KAZN: variants seen among roughly 807,000 people sequenced by gnomAD.
KAZN encodes kazrin, periplakin interacting protein.
A neutral mutation model predicts 87.4 loss-of-function variants in KAZN; 40 were observed. That is an observed-to-expected ratio of 0.46 (90% CI 0.36 to 0.60). The LOEUF is 0.60. Ranked by LOEUF, KAZN falls within the 20% of genes least tolerant of loss-of-function variation. The pLI is 0.00. For missense variants in KAZN, 898 were observed against 1,073.9 expected (o/e 0.84, Z 2.29); for synonymous variants, 466 against 458.3 (o/e 1.02, Z -0.22).
At chr1:14,136,147 G>A (rs1358433283) in intron 1 of KAZN, among the ~76,000 whole-genome samples, 2 of 152,140 alleles carry the variant, frequency 1.3e-5, no homozygotes, top group Non-Finnish European at 2.9e-5. Context: ...TCTTGGTGGG[G>A]AAGTCAACAC....
At position 14,513,697 on chromosome 1, in the gene KAZN, A is replaced by G. The variant is rs562966097; in HGVS notation, c.250-85286A>G. On this transcript the variant is annotated intron_variant, in intron 2 of 16. Coordinates refer to the KAZN transcript ENST00000636203. ...GAAAACATATCATAGTAAGCATTTT[A>G]AAATTGGGACCTTATTTCAACTTTA... 2.0e-5 allele frequency among the ~76,000 whole-genome samples: 3 copies of G among 152,318 alleles called. No homozygotes were observed. In the South Asian group the frequency reaches 6.2e-4, roughly 32 times the overall value.
chr1:14,255,338 T>C (rs988832422), intron 2 of KAZN, among the ~76,000 whole-genome samples: 7 of 152,098 alleles, frequency 4.6e-5, no homozygotes, highest in African/African-American at 1.2e-4. Context: ...ACCTCCCTCA[T>C]TGGGGATTAT....
intron 1 of KAZN, among the ~76,000 whole-genome samples, chr1:14,130,719 T>C (rs1401022995): frequency 1.3e-5 from 2 of 152,182 alleles, no homozygotes; most frequent in South Asian, 2.1e-4. Context: ...ATGTCTCTTT[T>C]TGGGACCTGA....
chr1:14,837,918 G>T (rs1250423278), intron 1 of KAZN, among the ~76,000 whole-genome samples: 1 of 152,138 alleles, frequency 6.6e-6, no homozygotes, highest in Non-Finnish European at 1.5e-5. Context: ...GGACCATGGA[G>T]CTATATTTGG....
At chr1:13,992,753 G>C (rs748987445) in intron 1 of KAZN, among the ~76,000 whole-genome samples, 86 of 152,078 alleles carry the variant, frequency 5.7e-4, no homozygotes, top group Non-Finnish European at 1.1e-3. Context: ...CTTCTCATTG[G>C]GGGTGGACAA....
chr1:14,047,270 C>T (rs1293560549), intron 1 of KAZN, among the ~76,000 whole-genome samples: 1 of 152,210 alleles, frequency 6.6e-6, no homozygotes, highest in Non-Finnish European at 1.5e-5. Context: ...TTCACAGGAT[C>T]CTAAGCTCTA....
At chr1:14,301,426 T>C (rs973817421) in intron 2 of KAZN, among the ~76,000 whole-genome samples, 1 of 152,200 alleles carries the variant, frequency 6.6e-6, no homozygotes, top group African/African-American at 2.4e-5. Flanking sequence ...GTTTGCATGA[T>C]GGGATTGACT....
chr1:13,987,786 A>G (rs182200777), intron 1 of KAZN, among the ~76,000 whole-genome samples: 5 of 152,310 alleles, frequency 3.3e-5, no homozygotes, highest in Admixed American at 3.3e-4. Flanking sequence ...TTAAATTTCA[A>G]CATGAATTTT....
chr1:14,941,039 C>A (rs1246166045), intron 1 of KAZN, among the ~76,000 whole-genome samples: 2 of 151,282 alleles, frequency 1.3e-5, no homozygotes, highest in African/African-American at 4.9e-5. Flanking sequence ...CCTCGGCTTC[C>A]CAAGTAGCTG....
At chr1:14,498,647 A>G (rs1670079513) in intron 2 of KAZN, among the ~76,000 whole-genome samples, 1 of 152,112 alleles carries the variant, frequency 6.6e-6, no homozygotes, top group African/African-American at 2.4e-5. Context: ...AGCTGAGATC[A>G]GGCCACTGCA....
chr1:14,924,353 C>A (rs920113731), intron 1 of KAZN: 2 of 988,310 alleles, frequency 2.0e-6, no homozygotes, highest in South Asian at 4.5e-5. Flanking sequence ...AGCGTCCCCC[C>A]GGGCACCCGG....
intron 1 of KAZN, among the ~76,000 whole-genome samples, chr1:14,026,178 T>C (rs901368953): frequency 1.3e-5 from 2 of 152,106 alleles, no homozygotes; most frequent in Non-Finnish European, 2.9e-5. Flanking sequence ...ATATATAAAT[T>C]CCTTATATAT....
chr1:14,100,092 C>T (rs560203602), intron 1 of KAZN, among the ~76,000 whole-genome samples: 132 of 152,298 alleles, frequency 8.7e-4, no homozygotes, highest in African/African-American at 3.1e-3. Context: ...GTCACTGCTC[C>T]AAACCCCTGC....
intron 1 of KAZN, among the ~76,000 whole-genome samples, chr1:13,998,903 C>T (rs12125385): frequency 0.15 from 22,114 of 150,270 alleles, 1,716 homozygotes; most frequent in Middle Eastern, 0.23. Flanking sequence ...CACAAATCAA[C>T]CGAATATACA....
chr1:14,298,089 G>T (rs868034158), intron 2 of KAZN, among the ~76,000 whole-genome samples: 6 of 152,154 alleles, frequency 3.9e-5, no homozygotes, highest in Admixed American at 1.3e-4. Context: ...GCCGGGTGTG[G>T]TGGCGCATGT....
At chr1:14,229,808 G>T (rs1647637316) in intron 2 of KAZN, among the ~76,000 whole-genome samples, 1 of 152,274 alleles carries the variant, frequency 6.6e-6, no homozygotes, top group Non-Finnish European at 1.5e-5. Context: ...AAGATGTTCT[G>T]AAAAATTGAG....
At chr1:14,515,529 T>A (rs1004672371) in intron 2 of KAZN, among the ~76,000 whole-genome samples, 1 of 152,200 alleles carries the variant, frequency 6.6e-6, no homozygotes, top group African/African-American at 2.4e-5. Flanking sequence ...ATGCAGGAGC[T>A]GGCTTCTGCC....
chr1:13,901,291 A>G (rs1241822476), intron 1 of KAZN, among the ~76,000 whole-genome samples: 1 of 152,210 alleles, frequency 6.6e-6, no homozygotes, highest in Non-Finnish European at 1.5e-5. Flanking sequence ...TCATACGGTC[A>G]CCCTTAATAA....
At chr1:14,723,433 G>C (rs1643220658) in intron 1 of KAZN, among the ~76,000 whole-genome samples, 1 of 152,192 alleles carries the variant, frequency 6.6e-6, no homozygotes, top group Non-Finnish European at 1.5e-5. Context: ...AGTGGGACCT[G>C]GGGTGGCCTG....
Sources: gnomAD v4.1 joint callset for allele counts (sites outside exome capture counted in the v4.1 genomes callset) on GRCh38, gnomAD v4.1.1 for gene constraint, MANE v1.5 for transcripts, NCBI Gene and HGNC (gene_info 2026-07-23, HGNC 2026-07-21) for gene names.